Variants in SPOCK3 observed in about 807,000 individuals in gnomAD.
SPOCK3 encodes the protein testican-3.
Under a neutral mutation model 56.6 loss-of-function variants are expected in SPOCK3, and 30 were observed. The observed-to-expected ratio is 0.53, with a 90% CI of 0.40 to 0.72. The LOEUF is 0.72. Ranked by LOEUF, SPOCK3 falls within the 30% of genes least tolerant of loss-of-function variation. The pLI is 0.00. For missense variants in SPOCK3, 527 were observed against 530.0 expected, an observed-to-expected ratio of 0.99 and a Z score of 0.06; for synonymous variants, 196 against 183.3, an observed-to-expected ratio of 1.07 and a Z score of -0.56.
intron 6 of SPOCK3, among the ~76,000 whole-genome samples, chr4:166,845,632 T>G (rs946787546): frequency 2.0e-5 from 3 of 152,186 alleles, no homozygotes; most frequent in African/African-American, 7.2e-5. Context: ...GAGCTCAGTT[T>G]GCAAATGGCC....
At chr4:167,017,988 A>G (rs1410803173) in intron 3 of SPOCK3, among the ~76,000 whole-genome samples, 1 of 151,984 alleles carries the variant, frequency 6.6e-6, no homozygotes, top group Non-Finnish European at 1.5e-5. Flanking sequence ...TTTCTTTCTC[A>G]CGAAGGGACT....
chr4:166,980,358 C>A (rs1746435690), intron 4 of SPOCK3, among the ~76,000 whole-genome samples: 1 of 152,202 alleles, frequency 6.6e-6, no homozygotes, highest in African/African-American at 2.4e-5. Flanking sequence ...TTCTCCATTA[C>A]CATTACCAAG....
Position 166,893,242 on chromosome 4 carries a change from C to T in SPOCK3, c.475-3998G>A, listed in dbSNP as rs12646018. Reference sequence around the variant, plus strand: ...GATTAGGCATTAGTCTACTGTAAGGCAATGAAAGGGTTAATTCAATTCTCA... The same window carrying T: ...GATTAGGCATTAGTCTACTGTAAGGTAATGAAAGGGTTAATTCAATTCTCA... On this transcript the variant is annotated intron_variant, in intron 5 of 10. Transcript: ENST00000357545. Among the ~76,000 whole-genome samples the T allele has an allele frequency of 5.7e-3, 870 of 152,186 alleles. 11 individuals are homozygous for T. The East Asian group carries it at 0.06, about 11-fold the overall frequency.
chr4:166,991,625 C>T (rs1747801847), intron 4 of SPOCK3, among the ~76,000 whole-genome samples: 1 of 152,084 alleles, frequency 6.6e-6, no homozygotes, highest in African/African-American at 2.4e-5. Flanking sequence ...CCACCTCAGC[C>T]TCCCAAAGTG....
intron 6 of SPOCK3, among the ~76,000 whole-genome samples, chr4:166,874,945 C>G (rs779656874): frequency 1.2e-4 from 19 of 152,032 alleles, no homozygotes; most frequent in Non-Finnish European, 2.6e-4. Context: ...CTAGTCTGCC[C>G]ATATTGTAAG....
chr4:167,159,037 T>C (rs1266690179), intron 2 of SPOCK3, among the ~76,000 whole-genome samples: 1 of 151,908 alleles, frequency 6.6e-6, no homozygotes. Context: ...ACATATACAA[T>C]GATATATGTT....
At chr4:166,873,902 G>A (rs17052643) in intron 6 of SPOCK3, among the ~76,000 whole-genome samples, 5,582 of 152,128 alleles carry the variant, frequency 0.037, 347 homozygotes, top group African/African-American at 0.13. Flanking sequence ...AAAAGCATGT[G>A]GGTATTCACT....
chr4:167,025,430 A>G (rs1002013685), intron 3 of SPOCK3, among the ~76,000 whole-genome samples: 2 of 152,088 alleles, frequency 1.3e-5, no homozygotes, highest in Non-Finnish European at 2.9e-5. Flanking sequence ...CTTAAATAAA[A>G]TAACGTGTGT....
At chr4:167,234,201 G>T in intron 1 of SPOCK3, 28 bp from the exon 2 acceptor site, 1 of 1,609,504 alleles carries the variant, frequency 6.2e-7, no homozygotes, top group Non-Finnish European at 8.5e-7. Context: ...ACGGGGGGTG[G>T]GGGGGCATGT....
intron 6 of SPOCK3, among the ~76,000 whole-genome samples, chr4:166,826,805 T>C (rs1745529691): frequency 6.6e-6 from 1 of 152,116 alleles, no homozygotes; most frequent in Non-Finnish European, 1.5e-5. Context: ...CACCCCTTTG[T>C]AGTCATCTTG....
chr4:166,879,118 T>C lies in SPOCK3; in HGVS notation c.589+10012A>G, dbSNP rs17052645. ...GCCTGTTAATTAAAAAAAATATATA[T>C]GCAGAGTGTAGATGGAGAAGGCAGA... On this transcript the variant is annotated intron_variant, in intron 6 of 10. Coordinates refer to ENST00000357545, the MANE Select transcript of SPOCK3 (RefSeq NM_001040159.2). 4.0e-3 allele frequency among the ~76,000 whole-genome samples: 609 copies of C among 152,212 alleles called. 5 individuals are homozygous for C. The highest frequency in any genetic ancestry group is 0.014 in the African/African-American group (582 of 41,530).
chr4:166,737,107 G>A (rs1734289169), intron 10 of SPOCK3, among the ~76,000 whole-genome samples: 1 of 151,962 alleles, frequency 6.6e-6, no homozygotes, highest in South Asian at 2.1e-4. Context: ...CAGACAAAAG[G>A]GTGTCATCTG....
intron 4 of SPOCK3, among the ~76,000 whole-genome samples, chr4:166,999,797 G>T (rs543854980): frequency 6.6e-6 from 1 of 152,214 alleles, no homozygotes; most frequent in South Asian, 2.1e-4. Flanking sequence ...GTTGTTATAA[G>T]ATACTTGAAA....
chr4:167,079,984 A>C (rs1209040404), intron 2 of SPOCK3, among the ~76,000 whole-genome samples: 1 of 151,980 alleles, frequency 6.6e-6, no homozygotes, highest in African/African-American at 2.4e-5. Flanking sequence ...GTAGAGTTTA[A>C]AATCCCTACA....
intron 2 of SPOCK3, among the ~76,000 whole-genome samples, chr4:167,134,327 G>A (rs755468318): frequency 1.1e-4 from 17 of 151,874 alleles, no homozygotes; most frequent in Non-Finnish European, 1.6e-4. Flanking sequence ...GCCATCGCAC[G>A]TGGCGCTTGA....
At chr4:167,038,594 G>T (rs1211549050) in intron 3 of SPOCK3, among the ~76,000 whole-genome samples, 1 of 149,976 alleles carries the variant, frequency 6.7e-6, no homozygotes, top group Non-Finnish European at 1.5e-5. Context: ...CACTCCCAGG[G>T]TGCCATCCAC....
intron 6 of SPOCK3, among the ~76,000 whole-genome samples, chr4:166,818,853 T>C (rs1467411250): frequency 6.6e-6 from 1 of 152,062 alleles, no homozygotes; most frequent in East Asian, 1.9e-4. Context: ...ACCTTGCGAA[T>C]TTTCTATTTT....
At chr4:167,022,786 T>C (rs1226764733) in intron 3 of SPOCK3, among the ~76,000 whole-genome samples, 1 of 151,672 alleles carries the variant, frequency 6.6e-6, no homozygotes, top group East Asian at 2.0e-4. Flanking sequence ...ATGGCCAGGG[T>C]TGATATGCTG....
chr4:167,011,457 C>T (rs1211175885), intron 3 of SPOCK3, among the ~76,000 whole-genome samples: 2 of 152,118 alleles, frequency 1.3e-5, no homozygotes, highest in Non-Finnish European at 2.9e-5. Context: ...CTTTCCTCCA[C>T]CAAAATTCAA....
Sources: gnomAD v4.1 joint callset for allele counts (sites outside exome capture counted in the v4.1 genomes callset) on GRCh38, gnomAD v4.1.1 for gene constraint, MANE v1.5 for transcripts, NCBI Gene and HGNC (gene_info 2026-07-23, HGNC 2026-07-21) for gene names.